Variants in PPP2R3A observed in about 807,000 individuals in gnomAD.
The protein encoded by PPP2R3A is protein phosphatase 2 regulatory subunit B''alpha, also known as serine/threonine-protein phosphatase 2A regulatory subunit B'' subunit alpha.
Under a neutral mutation model 106.9 loss-of-function variants are expected in PPP2R3A, and 80 were observed. That is an observed-to-expected ratio of 0.75 (90% confidence interval 0.62 to 0.90). PPP2R3A has a LOEUF of 0.90. PPP2R3A is among the 40% of genes least tolerant of loss of function. The pLI is 0.00. For missense variants in PPP2R3A, 1,386 were observed against 1,350.4 expected (o/e 1.03, Z -0.41); for synonymous variants, 483 against 468.3 (o/e 1.03, Z -0.41).
At chr3:136,056,877 A>G (rs1318838802) in intron 5 of PPP2R3A, among the ~76,000 whole-genome samples, 2 of 152,168 alleles carry the variant, frequency 1.3e-5, no homozygotes, top group African/African-American at 4.8e-5. Flanking sequence ...AAACAACTCA[A>G]TAGCAAGAAA....
chr3:136,039,728 T>C (rs1383288933), intron 3 of PPP2R3A, among the ~76,000 whole-genome samples: 1 of 152,174 alleles, frequency 6.6e-6, no homozygotes, highest in Non-Finnish European at 1.5e-5. Flanking sequence ...CATGTGTCCA[T>C]GGCCTGGGAC....
Position 136,090,623 on chromosome 3 carries a change from T to C in PPP2R3A, c.2883T>C (p.Phe961=). Residue 961 remains phenylalanine, a synonymous_variant, in exon 10 of 14, where the codon TTT becomes TTC. Coordinates refer to ENST00000264977, the MANE Select transcript of PPP2R3A (RefSeq NM_002718.5). The part of the protein sequence containing the change: ...QKEGRMSYAD[F]VWFLISEEDK... ...AGGGAAGAATGAGCTATGCAGATTT[T>C]GTTTGGTTTTTGATCTCTGAAGAAG... 6.2e-7 allele frequency: 1 copy of C among 1,613,732 alleles called. No individual in the cohort carries two copies. Among genetic ancestry groups the C allele is most frequent in the South Asian group, 1.1e-5 (1 of 91,062 alleles).
intron 1 of PPP2R3A, among the ~76,000 whole-genome samples, chr3:135,971,808 GT>G (rs1322417054): frequency 6.6e-6 from 1 of 152,126 alleles, no homozygotes; most frequent in South Asian, 2.1e-4. Context: ...CACAAATATG[GT>G]TAGGTACTAT....
rs1461720765 is a variant in PPP2R3A at position 136,121,907 on chromosome 3, G to C, written c.3329+15585G>C. On this transcript the variant is annotated intron_variant, in intron 13 of 13. Transcript: ENST00000264977. ...AAGTCTAGCTGATTTTTTTCCCAAT[G>C]TTCCCTTCCAATGCAATACCTGAGA... Among the ~76,000 whole-genome samples the C allele has an allele frequency of 2.0e-5, 3 of 151,908 alleles. No homozygotes were observed. In the South Asian group the frequency reaches 6.2e-4, roughly 31 times the overall value.
chr3:136,016,597 T>C (rs1449331142), intron 2 of PPP2R3A, among the ~76,000 whole-genome samples: 1 of 152,156 alleles, frequency 6.6e-6, no homozygotes, highest in Non-Finnish European at 1.5e-5. Flanking sequence ...TGTTGTCGCT[T>C]TAAAGTCTGT....
At chr3:136,006,703 A>G (rs1401747878) in intron 2 of PPP2R3A, among the ~76,000 whole-genome samples, 2 of 152,220 alleles carry the variant, frequency 1.3e-5, no homozygotes, top group Non-Finnish European at 2.9e-5. Context: ...AGCTTTGTCA[A>G]ATCTTAACAT....
intron 13 of PPP2R3A, among the ~76,000 whole-genome samples, chr3:136,116,492 A>C (rs1937766453): frequency 6.6e-6 from 1 of 152,200 alleles, no homozygotes; most frequent in Non-Finnish European, 1.5e-5. Flanking sequence ...TATTCAGGAG[A>C]CCCATCTCAT....
chr3:136,029,153 G>A (rs1934772678), intron 3 of PPP2R3A, among the ~76,000 whole-genome samples: 1 of 152,196 alleles, frequency 6.6e-6, no homozygotes, highest in Non-Finnish European at 1.5e-5. Flanking sequence ...TCTAACACGA[G>A]AGCAATTTGT....
At chr3:136,032,258 A>G (rs878924070) in intron 3 of PPP2R3A, among the ~76,000 whole-genome samples, 1 of 151,938 alleles carries the variant, frequency 6.6e-6, no homozygotes, top group African/African-American at 2.4e-5. Context: ...ATTGCTAAGT[A>G]TGTTTTTTGT....
chr3:136,027,922 A>G (rs554183076), intron 3 of PPP2R3A, among the ~76,000 whole-genome samples: 1 of 152,310 alleles, frequency 6.6e-6, no homozygotes, highest in East Asian at 1.9e-4. Flanking sequence ...GCACACTTCC[A>G]CTGAGAAGGG....
intron 13 of PPP2R3A, among the ~76,000 whole-genome samples, chr3:136,107,537 A>T (rs1001403162): frequency 3.4e-5 from 5 of 148,618 alleles, no homozygotes; most frequent in African/African-American, 7.5e-5. Context: ...GAGCAGGTCT[A>T]GAGGGATAAA....
chr3:136,124,942 A>C (rs1392335333), intron 13 of PPP2R3A, among the ~76,000 whole-genome samples: 1 of 152,188 alleles, frequency 6.6e-6, no homozygotes, highest in Non-Finnish European at 1.5e-5. Flanking sequence ...ACAAAAACTG[A>C]CTCAAGAAGA....
Position 136,031,155 on chromosome 3 carries a change from T to C in PPP2R3A, c.2262+4057T>C, listed in dbSNP as rs118014909. 4.1e-4 allele frequency among the ~76,000 whole-genome samples: 63 copies of C among 152,274 alleles called. No individual in the cohort carries two copies. The East Asian group carries it at 0.012, about 29-fold the overall frequency. On this transcript the variant is annotated intron_variant, in intron 3 of 13. Coordinates refer to ENST00000264977, the MANE Select transcript of PPP2R3A (RefSeq NM_002718.5). ...TACTGTTTTATTTTGTTTTGTTTTTTCAGGGGTAAGGTGGTATCACATTGT... is the reference window on the plus strand; with the variant it reads ...TACTGTTTTATTTTGTTTTGTTTTTCCAGGGGTAAGGTGGTATCACATTGT...
chr3:136,035,076 C>T (rs1935040788), intron 3 of PPP2R3A, among the ~76,000 whole-genome samples: 2 of 152,148 alleles, frequency 1.3e-5, no homozygotes, highest in South Asian at 4.1e-4. Context: ...ATGTCTTTTT[C>T]CACTCCTTTA....
intron 13 of PPP2R3A, among the ~76,000 whole-genome samples, chr3:136,110,720 T>C (rs1281445982): frequency 6.6e-6 from 1 of 152,254 alleles, no homozygotes; most frequent in African/African-American, 2.4e-5. Context: ...TCATTTCATA[T>C]TATTTTCATG....
chr3:136,037,781 G>A (rs563409197), intron 3 of PPP2R3A, among the ~76,000 whole-genome samples: 170 of 152,140 alleles, frequency 1.1e-3, no homozygotes, highest in African/African-American at 3.8e-3. Context: ...TATTTGTTTT[G>A]TTGGCCATTC....
At chr3:135,992,778 C>T (rs960950239) in intron 1 of PPP2R3A, among the ~76,000 whole-genome samples, 4 of 151,922 alleles carry the variant, frequency 2.6e-5, no homozygotes, top group Admixed American at 2.6e-4. Flanking sequence ...AGAGGAAGCG[C>T]CAGATAAAGA....
intron 1 of PPP2R3A, among the ~76,000 whole-genome samples, chr3:135,984,568 C>T (rs994367699): frequency 9.9e-5 from 15 of 152,020 alleles, no homozygotes; most frequent in African/African-American, 3.6e-4. Context: ...TCCCCCATGC[C>T]GTTCTCGCGA....
At chr3:135,996,827 T>A (rs919255203) in intron 1 of PPP2R3A, among the ~76,000 whole-genome samples, 1 of 152,188 alleles carries the variant, frequency 6.6e-6, no homozygotes, top group East Asian at 1.9e-4. Context: ...TCTTCCCAAA[T>A]TCCTTAATAC....
Sources: allele counts gnomAD v4.1 joint callset (sites outside exome capture counted in the v4.1 genomes callset), GRCh38; gene constraint gnomAD v4.1.1; transcripts MANE v1.5; gene names NCBI Gene and HGNC (gene_info 2026-07-23, HGNC 2026-07-21).